Variants in CYTH1 observed in about 807,000 individuals in gnomAD.
The protein encoded by CYTH1 is cytohesin-1.
A neutral mutation model predicts 61.8 loss-of-function variants in CYTH1; 18 were observed. That is an observed-to-expected ratio of 0.29 (90% CI 0.20 to 0.43). The LOEUF is 0.43. Among genes scored for constraint, CYTH1 ranks in the 20% least tolerant of loss-of-function variants. The pLI is 1.00. For synonymous variants in CYTH1, 174 were observed against 184.3 expected (o/e 0.94, Z 0.45); for missense variants, 336 against 510.5 (o/e 0.66, Z 3.29).
chr17:78,760,494 T>TATACATATATGTATATATATATATAC (rs2093422164), intron 1 of CYTH1, among the ~76,000 whole-genome samples: 1 of 49,616 alleles, frequency 2.0e-5, no homozygotes, highest in African/African-American at 1.0e-4. Flanking sequence ...TGTATATATA[T>TATACATATATGTATATATATATATAC]ATACATATAT....
chr17:78,706,488 CTGAG>C (rs1347335412), intron 3 of CYTH1, among the ~76,000 whole-genome samples: 1 of 152,268 alleles, frequency 6.6e-6, no homozygotes, highest in African/African-American at 2.4e-5. Context: ...CTTCACACTG[CTGAG>C]TAATAGTCTA....
chr17:78,752,468 C>T (rs1336525274), intron 1 of CYTH1, among the ~76,000 whole-genome samples: 6 of 151,784 alleles, frequency 4.0e-5, no homozygotes, highest in Non-Finnish European at 8.8e-5. Context: ...AGTCTTGCTC[C>T]GTCACCCAGG....
At chr17:78,768,696 C>A (rs1312655107) in intron 1 of CYTH1, among the ~76,000 whole-genome samples, 1 of 152,060 alleles carries the variant, frequency 6.6e-6, no homozygotes, top group Non-Finnish European at 1.5e-5. Flanking sequence ...ACCTAGCTCA[C>A]CTATCTCCAA....
intron 1 of CYTH1, among the ~76,000 whole-genome samples, chr17:78,750,154 C>T (rs1026463700): frequency 6.6e-6 from 1 of 152,144 alleles, no homozygotes; most frequent in Non-Finnish European, 1.5e-5. Context: ...TCCACTAGCA[C>T]ATCAGCAGCA....
rs780857750 is a variant in CYTH1, at chr17:78,676,011, G to T, written c.*80C>A. ...GGGCCTGGCAGAGGACGCTCTGCTC[G>T]GCAGCAGTGCATCCATGGAGGTGCG... is the stretch of plus-strand genomic sequence containing the variant. On this transcript the variant is annotated 3_prime_UTR_variant, in exon 14 of 14. Transcript: ENST00000446868. 7 of 1,554,604 alleles carry T rather than the reference G, an allele frequency of 4.5e-6. No individual in the cohort carries two copies. In the Admixed American group the frequency reaches 1.4e-4, roughly 31 times the overall value.
rs148749723 is a variant in CYTH1, at chr17:78,702,198, A to G, written c.280T>C (p.Cys94Arg). The G allele has an allele frequency of 5.6e-6, 9 of 1,614,058 alleles. No individual in the cohort carries two copies. In the African/African-American group the frequency reaches 1.2e-4, roughly 22 times the overall value. Residue 94 changes from cysteine (C) to arginine (R), a missense_variant, in exon 5 of 14, where the codon TGT becomes CGT. Cys to Arg is a radical substitution (Grantham distance 180, BLOSUM62 -3). Around this residue, in one of 4 missense-constraint regions of CYTH1, gnomAD observed 112 missense variants for 127.1 expected, o/e 0.88. Coordinates refer to ENST00000446868, the MANE Select transcript of CYTH1 (RefSeq NM_004762.6). ...LIENDLLKNT[C>R]EDIAQFLYKG... ...TATAAGAACTGGGCAATGTCTTCAC[A>G]AGTGTTCTTCAGGAGGTCGTTCTCT...
At position 78,709,769 on chromosome 17, in the gene CYTH1, T is replaced by C. The variant is rs368511059; in HGVS notation, c.23-37A>G. 2.2e-4 allele frequency: 350 copies of C among 1,598,328 alleles called. 1 individual carries two copies. The highest frequency in any genetic ancestry group is 5.1e-4 in the Admixed American group (30 of 58,992). ...GAGGGCAATGTTACAAGAAAGCTTT[T>C]ATCTCGCCAAAAATCAAGGAAGATC... On this transcript the variant is annotated intron_variant, in intron 1 of 13. Transcript: ENST00000446868.
chr17:78,687,000 C>T (rs983145944), intron 11 of CYTH1, among the ~76,000 whole-genome samples: 4 of 152,122 alleles, frequency 2.6e-5, no homozygotes, highest in African/African-American at 9.6e-5. Flanking sequence ...AGGCTGGTCT[C>T]GAACTCCCAA....
chr17:78,743,938 C>T (rs912906262), intron 1 of CYTH1, among the ~76,000 whole-genome samples: 1 of 152,096 alleles, frequency 6.6e-6, no homozygotes, highest in Non-Finnish European at 1.5e-5. Context: ...ATGTGGGGCT[C>T]GGTAGCTTAT....
intron 1 of CYTH1, among the ~76,000 whole-genome samples, chr17:78,778,868 A>G (rs2093504619): frequency 6.6e-6 from 1 of 152,192 alleles, no homozygotes; most frequent in Non-Finnish European, 1.5e-5. Context: ...ATGCTTTATG[A>G]ATCCATCACA....
chr17:78,698,475 TATAGTA>T, intron 8 of CYTH1, 95 bp from the exon 9 acceptor site: 1 of 1,018,928 alleles, frequency 9.8e-7, no homozygotes. Context: ...TTCATGTGCC[TATAGTA>T]AGCCAAGCCT....
intron 6 of CYTH1, among the ~76,000 whole-genome samples, chr17:78,701,417 T>C (rs1051294230): frequency 6.6e-6 from 1 of 152,184 alleles, no homozygotes; most frequent in Non-Finnish European, 1.5e-5. Flanking sequence ...ATTCATCAAT[T>C]TCTAAAACCT....
intron 13 of CYTH1, chr17:78,677,259 G>T: frequency 2.7e-6 from 1 of 370,584 alleles, no homozygotes; most frequent in Non-Finnish European, 5.4e-6. Flanking sequence ...TTGGCTTCCT[G>T]GGTAGGCCAA....
chr17:78,777,146 CCGGGCG>C (rs2093495334), intron 1 of CYTH1, among the ~76,000 whole-genome samples: 1 of 147,952 alleles, frequency 6.8e-6, no homozygotes, highest in Non-Finnish European at 1.5e-5. Flanking sequence ...AAAAATAAGG[CCGGGCG>C]CGGTGGCTCA....
chr17:78,737,452 G>A (rs951928465), intron 1 of CYTH1, among the ~76,000 whole-genome samples: 31 of 151,886 alleles, frequency 2.0e-4, no homozygotes, highest in African/African-American at 6.5e-4. Flanking sequence ...ATGGAAAGCC[G>A]ACTACATTTT....
At chr17:78,685,017 G>A (rs1172273022) in intron 11 of CYTH1, among the ~76,000 whole-genome samples, 1 of 151,984 alleles carries the variant, frequency 6.6e-6, no homozygotes, top group African/African-American at 2.4e-5. Flanking sequence ...TGACCAACAT[G>A]GTGAAACCCC....
chr17:78,757,070 C>T (rs1362156213), intron 1 of CYTH1, among the ~76,000 whole-genome samples: 12 of 148,422 alleles, frequency 8.1e-5, no homozygotes, highest in African/African-American at 3.0e-4. Context: ...GCCTCAGCCT[C>T]CTGAGTAGAT....
chr17:78,705,515 G>A (rs1340439643), intron 3 of CYTH1, among the ~76,000 whole-genome samples: 1 of 152,112 alleles, frequency 6.6e-6, no homozygotes, highest in Non-Finnish European at 1.5e-5. Context: ...TGTACTACAT[G>A]AGTATATTAT....
At chr17:78,684,249 T>A (rs150670497) in intron 11 of CYTH1, among the ~76,000 whole-genome samples, 2 of 152,310 alleles carry the variant, frequency 1.3e-5, no homozygotes, top group East Asian at 3.9e-4. Context: ...TTGGCTTGAG[T>A]GAGCCAGCAT....
Sources: allele counts gnomAD v4.1 joint callset (sites outside exome capture counted in the v4.1 genomes callset), GRCh38; gene constraint gnomAD v4.1.1; regional missense constraint gnomAD v4.1.1; transcripts MANE v1.5; gene names NCBI Gene and HGNC (gene_info 2026-07-23, HGNC 2026-07-21).